Variants in TUB observed in about 807,000 individuals in gnomAD.
The protein encoded by TUB is TUB bipartite transcription factor, also known as tubby protein homolog.
Under a neutral mutation model 59.7 loss-of-function variants are expected in TUB, and 33 were observed. That is an observed-to-expected ratio of 0.55 (90% CI 0.42 to 0.74). The LOEUF (loss-of-function observed/expected upper bound fraction) is 0.74, where lower values mean the gene tolerates loss of function less well. Ranked by LOEUF, TUB falls within the 30% of genes least tolerant of loss-of-function variation. The pLI is 0.00. For synonymous variants in TUB, 293 were observed against 256.4 expected (o/e 1.14, Z -1.36); for missense variants, 659 against 672.0 (o/e 0.98, Z 0.21).
intron 2 of TUB, among the ~76,000 whole-genome samples, chr11:8,067,105 G>T (rs1589946394): frequency 6.6e-6 from 1 of 152,170 alleles, no homozygotes; most frequent in African/African-American, 2.4e-5. Flanking sequence ...ACCAAATACT[G>T]GTCTGTGAAT....
intron 10 of TUB, 30 bp downstream of exon 10, chr11:8,100,631 C>T: frequency 1.9e-6 from 3 of 1,597,732 alleles, no homozygotes; most frequent in East Asian, 2.2e-5. Context: ...TCCCCTCTTT[C>T]CCCATCATCC....
chr11:8,096,383 C>T (rs1943991778), intron 5 of TUB, among the ~76,000 whole-genome samples: 1 of 152,148 alleles, frequency 6.6e-6, no homozygotes, highest in Non-Finnish European at 1.5e-5. Flanking sequence ...GGTAGGGTGG[C>T]TGCTAGGTAG....
At chr11:8,092,130 G>C (rs982736466) in intron 3 of TUB, among the ~76,000 whole-genome samples, 3 of 152,220 alleles carry the variant, frequency 2.0e-5, no homozygotes, top group Non-Finnish European at 2.9e-5. Flanking sequence ...CGCCTCTGGC[G>C]TAAGTGCAGG....
chr11:8,028,324 T>C (rs1447743622), intron 1 of TUB, among the ~76,000 whole-genome samples: 1 of 152,258 alleles, frequency 6.6e-6, no homozygotes, highest in Non-Finnish European at 1.5e-5. Flanking sequence ...AGGAGTTCTT[T>C]ACATATTTTC....
chr11:8,061,638 C>T (rs996467802), intron 2 of TUB, among the ~76,000 whole-genome samples: 1 of 152,068 alleles, frequency 6.6e-6, no homozygotes, highest in Non-Finnish European at 1.5e-5. Context: ...TGCTCTGTGC[C>T]CCTTTAGCCC....
At chr11:8,081,769 G>A (rs1943570069) in intron 1 of TUB, among the ~76,000 whole-genome samples, 1 of 152,238 alleles carries the variant, frequency 6.6e-6, no homozygotes, top group Non-Finnish European at 1.5e-5. Flanking sequence ...GTTGCTGGAA[G>A]GGGCCTGTGT....
chr11:8,063,607 G>A (rs139263185), intron 2 of TUB, among the ~76,000 whole-genome samples: 2 of 152,272 alleles, frequency 1.3e-5, no homozygotes, highest in African/African-American at 2.4e-5. Flanking sequence ...ATCCCCAAGT[G>A]CTGAACCTTT....
chr11:8,099,000 C>A, intron 9 of TUB, 125 bp downstream of exon 9: 1 of 753,338 alleles, frequency 1.3e-6, no homozygotes, highest in Non-Finnish European at 2.3e-6. Flanking sequence ...GAGGGGCTGT[C>A]CTCTGTGGAG....
At chr11:8,040,078 G>A (rs1942722103) in intron 2 of TUB, among the ~76,000 whole-genome samples, 2 of 152,278 alleles carry the variant, frequency 1.3e-5, no homozygotes, top group Non-Finnish European at 2.9e-5. Context: ...ACCACAGAGG[G>A]AATCATGGTG....
chr11:8,057,724 C>A (rs759199952), intron 2 of TUB, among the ~76,000 whole-genome samples: 3 of 151,954 alleles, frequency 2.0e-5, no homozygotes, highest in Non-Finnish European at 4.4e-5. Context: ...TTCTTCAGAC[C>A]CCCAATAAAA....
At chr11:8,054,075 A>G (rs920195297) in intron 2 of TUB, among the ~76,000 whole-genome samples, 1 of 151,898 alleles carries the variant, frequency 6.6e-6, no homozygotes, top group Non-Finnish European at 1.5e-5. Flanking sequence ...AGATCTCACC[A>G]CTGTACTCCA....
At chr11:8,056,136 C>T (rs548208058) in intron 2 of TUB, among the ~76,000 whole-genome samples, 2 of 152,320 alleles carry the variant, frequency 1.3e-5, no homozygotes, top group African/African-American at 4.8e-5. Context: ...TATCCCTTCT[C>T]AGCTCTCTGA....
intron 2 of TUB, among the ~76,000 whole-genome samples, chr11:8,050,238 A>G (rs139315205): frequency 1.4e-4 from 22 of 152,354 alleles, no homozygotes; most frequent in Non-Finnish European, 3.1e-4. Context: ...TCTACCGTTC[A>G]TGGACATTTG....
chr11:8,101,658 C>G lies in TUB; in HGVS notation c.*39C>G, dbSNP rs770460278. On this transcript the variant is annotated 3_prime_UTR_variant, in exon 12 of 12. Transcript: ENST00000299506. ...CCCTTTGGGGTTGCCCAGCCTGGAG[C>G]GGAGCTTGCCTGCCTGCCTGTGGAG... 6.2e-7 allele frequency: 1 copy of G among 1,607,824 alleles called. No homozygotes were observed. Among genetic ancestry groups the G allele is most frequent in the Admixed American group, 1.7e-5 (1 of 59,040 alleles).
At chr11:8,101,370 C>A in intron 11 of TUB, 116 bp from the exon 12 acceptor site, 3 of 1,321,854 alleles carry the variant, frequency 2.3e-6, no homozygotes, top group Non-Finnish European at 3.2e-6. Context: ...ATTCCCCTGG[C>A]ATCTCTGCTT....
In TUB at chr11:8,050,257, A is replaced by G. The variant is rs1942912234; in HGVS notation, c.203+10565A>G. Among the ~76,000 whole-genome samples, 3 of 152,212 alleles carry G rather than the reference A, an allele frequency of 2.0e-5. No individual in the cohort carries two copies. In the South Asian group the frequency reaches 6.2e-4, roughly 32 times the overall value. On this transcript the variant is annotated intron_variant, in intron 2 of 12. Transcript: ENST00000305253. ...CCGTTCATGGACATTTGGAAAGTTT[A>G]AAGTATTTGGCAGTTACGAATAGTG...
At chr11:8,072,407 A>G (rs532128313) in intron 2 of TUB, among the ~76,000 whole-genome samples, 1 of 152,186 alleles carries the variant, frequency 6.6e-6, no homozygotes, top group Admixed American at 6.5e-5. Context: ...CGGAGGCCCC[A>G]TGCCACAGGC....
chr11:8,050,938 A>G (rs1660185776), intron 2 of TUB, among the ~76,000 whole-genome samples: 1 of 152,236 alleles, frequency 6.6e-6, no homozygotes. Context: ...GACTAGTAGG[A>G]CCATTAAAAC....
chr11:8,026,638 C>T lies in TUB; in HGVS notation c.56+7280C>T, dbSNP rs77012167. The stretch of plus-strand genomic sequence containing the variant: ...TTGATCTATGTGTCTTTATTGATGC[C>T]AATAACAAAAAATACTTATAAGTAT... On this transcript the variant is annotated intron_variant, in intron 1 of 11. Transcript: ENST00000534099. Among the ~76,000 whole-genome samples, 5 of 152,046 alleles carry T rather than the reference C, an allele frequency of 3.3e-5. No individual in the cohort carries two copies. In the East Asian group the frequency reaches 7.7e-4, roughly 23 times the overall value.
Sources: gnomAD v4.1 joint callset for allele counts (sites outside exome capture counted in the v4.1 genomes callset) on GRCh38, gnomAD v4.1.1 for gene constraint, MANE v1.5 for transcripts, NCBI Gene and HGNC (gene_info 2026-07-23, HGNC 2026-07-21) for gene names.